ATP8B1: variants seen among roughly 807,000 people sequenced by gnomAD.
ATP8B1 encodes ATPase phospholipid transporting 8B1, also known as phospholipid-transporting ATPase IC.
In ATP8B1, 80 loss-of-function variants were observed where a neutral mutation model predicts 149.9. The observed-to-expected ratio is 0.53, with a 90% CI of 0.45 to 0.64. The LOEUF is 0.64. Ranked by LOEUF, ATP8B1 falls within the 30% of genes least tolerant of loss-of-function variation. The pLI, the probability that ATP8B1 is intolerant of heterozygous loss-of-function variation, is 0.00. For synonymous variants in ATP8B1, 536 were observed against 562.8 expected, an observed-to-expected ratio of 0.95 and a Z score of 0.67; for missense variants, 1,247 against 1,552.6, an observed-to-expected ratio of 0.80 and a Z score of 3.31.
intron 1 of ATP8B1, among the ~76,000 whole-genome samples, chr18:57,787,450 G>A (rs983329359): frequency 7.4e-6 from 1 of 135,472 alleles, no homozygotes; most frequent in African/African-American, 2.5e-5. Context: ...GCTCCATCTA[G>A]AACACTGCGG....
At chr18:57,716,351 C>A (rs1261338289) in intron 2 of ATP8B1, among the ~76,000 whole-genome samples, 1 of 151,110 alleles carries the variant, frequency 6.6e-6, no homozygotes, top group Non-Finnish European at 1.5e-5. Flanking sequence ...CCTTACTTAT[C>A]AATATAACAT....
intron 1 of ATP8B1, among the ~76,000 whole-genome samples, chr18:57,769,093 A>AG (rs2080243984): frequency 6.6e-6 from 1 of 152,194 alleles, no homozygotes; most frequent in South Asian, 2.1e-4. Flanking sequence ...GTACTCAGAC[A>AG]GGACAGCTTC....
At chr18:57,689,783 C>T (rs1329309295) in intron 12 of ATP8B1, among the ~76,000 whole-genome samples, 3 of 152,222 alleles carry the variant, frequency 2.0e-5, no homozygotes, top group East Asian at 3.9e-4. Context: ...TTTGGGAGGC[C>T]GAGGTGGGCG....
intron 2 of ATP8B1, among the ~76,000 whole-genome samples, chr18:57,728,658 C>A (rs571697054): frequency 6.6e-6 from 1 of 151,546 alleles, no homozygotes; most frequent in Non-Finnish European, 1.5e-5. Flanking sequence ...AAGCGAGAAC[C>A]ACCCAAATCC....
At position 57,703,010 on chromosome 18, in the gene ATP8B1, T is replaced by C. The variant is rs538733300; in HGVS notation, c.393+1545A>G. Among the ~76,000 whole-genome samples, 3 of 152,296 alleles carry C rather than the reference T, an allele frequency of 2.0e-5. No individual in the cohort carries two copies. In the East Asian group the frequency reaches 5.8e-4, roughly 29 times the overall value. On this transcript the variant is annotated intron_variant, in intron 4 of 27. Coordinates refer to ENST00000648908, the MANE Select transcript of ATP8B1 (RefSeq NM_001374385.1). ...GGTCTACTTCCTACAGAGCAGCACCTTGGAGTTTGCAGTGCTAACCTCTAC... is the reference window on the plus strand; with the variant it reads ...GGTCTACTTCCTACAGAGCAGCACCCTGGAGTTTGCAGTGCTAACCTCTAC...
At chr18:57,739,596 CAG>C (rs1049131880) in intron 1 of ATP8B1, among the ~76,000 whole-genome samples, 129 of 152,258 alleles carry the variant, frequency 8.5e-4, no homozygotes, top group African/African-American at 3.0e-3. Flanking sequence ...TTCAAGGGCT[CAG>C]AGAGTTGTCT....
At position 57,802,814 on chromosome 18, in the gene ATP8B1, G is replaced by A. The variant is rs1239621299; in HGVS notation, c.-26+184C>T. ...TCTCGCCGTCCCCGAGGCCTCGGGGGCTCCCAGCACCTCCACCCAAATCCC... is the reference window on the plus strand; with the variant it reads ...TCTCGCCGTCCCCGAGGCCTCGGGGACTCCCAGCACCTCCACCCAAATCCC... On this transcript the variant is annotated intron_variant, in intron 1 of 27. Transcript: ENST00000648908. This position sits in a 1 kb window ranked among gnomAD's most constrained non-coding sequence, Gnocchi z 4.9. Among the ~76,000 whole-genome samples, 3 of 152,200 alleles carry A rather than the reference G, an allele frequency of 2.0e-5. No individual in the cohort carries two copies. Among genetic ancestry groups the A allele is most frequent in the Non-Finnish European group, 4.4e-5 (3 of 68,034 alleles).
intron 22 of ATP8B1, among the ~76,000 whole-genome samples, chr18:57,660,514 TTTTTG>T (rs907440986): frequency 6.6e-6 from 1 of 152,106 alleles, no homozygotes; most frequent in Non-Finnish European, 1.5e-5. Context: ...ATATCAGGGT[TTTTTG>T]TTTTGTTTTG....
At chr18:57,767,605 T>C (rs899535016) in intron 1 of ATP8B1, among the ~76,000 whole-genome samples, 1 of 152,086 alleles carries the variant, frequency 6.6e-6, no homozygotes, top group Non-Finnish European at 1.5e-5. Context: ...CTCGCTAACA[T>C]GGTGAAACCT....
intron 15 of ATP8B1, among the ~76,000 whole-genome samples, chr18:57,677,102 A>G (rs1230713472): frequency 6.6e-6 from 1 of 152,248 alleles, no homozygotes; most frequent in African/African-American, 2.4e-5. Context: ...TTCCACTGAA[A>G]TAAGCCAAAA....
chr18:57,713,287 TC>T (rs1555694299), intron 2 of ATP8B1, among the ~76,000 whole-genome samples: 1 of 97,672 alleles, frequency 1.0e-5, no homozygotes, highest in South Asian at 3.0e-4. Context: ...CTTTTTTCTT[TC>T]TCTCTCTCTC....
intron 1 of ATP8B1, among the ~76,000 whole-genome samples, chr18:57,741,867 T>G (rs1203431177): frequency 1.3e-5 from 2 of 152,122 alleles, no homozygotes; most frequent in Non-Finnish European, 2.9e-5. Context: ...GTCTGCCCAG[T>G]ATTCTTTTAT....
At chr18:57,780,729 G>A (rs757788832) in intron 1 of ATP8B1, among the ~76,000 whole-genome samples, 1 of 152,186 alleles carries the variant, frequency 6.6e-6, no homozygotes, top group East Asian at 1.9e-4. Flanking sequence ...AGGTAATATT[G>A]TACACGATAT....
intron 22 of ATP8B1, among the ~76,000 whole-genome samples, chr18:57,660,364 G>A (rs568497265): frequency 1.2e-4 from 19 of 152,178 alleles, no homozygotes; most frequent in Non-Finnish European, 2.8e-4. Flanking sequence ...CACACCAGGT[G>A]ACCCAATGAT....
chr18:57,786,083 C>G (rs1437054374), intron 1 of ATP8B1, among the ~76,000 whole-genome samples: 2 of 152,162 alleles, frequency 1.3e-5, no homozygotes, highest in African/African-American at 4.8e-5. Context: ...TCTGACTTTA[C>G]TATTTAATGT....
At position 57,731,811 on chromosome 18, in the gene ATP8B1, G is replaced by A. The variant is rs758151784; in HGVS notation, c.-4C>T. 2 of 1,613,954 alleles carry A rather than the reference G, an allele frequency of 1.2e-6. No homozygotes were observed. Among genetic ancestry groups the A allele is most frequent in the Non-Finnish European group, 1.7e-6 (2 of 1,179,966 alleles). Reference sequence around the variant, plus strand: ...CTGAGTCTCTTTCTGTACTCATTCTGCTGGCAAATTGGAACTACCTGCTTA... The same window carrying A: ...CTGAGTCTCTTTCTGTACTCATTCTACTGGCAAATTGGAACTACCTGCTTA... On this transcript the variant is annotated 5_prime_UTR_variant, in exon 2 of 28. An upstream open reading frame in the 5' UTR gains an earlier in-frame stop. Coordinates refer to ENST00000648908, the MANE Select transcript of ATP8B1 (RefSeq NM_001374385.1).
At chr18:57,794,463 TAAAAAAAA>T (rs58976028) in intron 1 of ATP8B1, among the ~76,000 whole-genome samples, 1 of 110,442 alleles carries the variant, frequency 9.1e-6, no homozygotes, top group Non-Finnish European at 1.8e-5. Flanking sequence ...AACCTGACAT[TAAAAAAAA>T]AAAAAAAAAA....
intron 24 of ATP8B1, 91 bp from the exon 25 acceptor site, chr18:57,652,820 C>T (rs1234933267): frequency 6.4e-7 from 1 of 1,564,384 alleles, no homozygotes. Flanking sequence ...AAAGTTGCAG[C>T]CTGCTGTTAA....
Position 57,652,737 on chromosome 18 carries a change from A to T in ATP8B1, c.3016-8T>A. 6.2e-6 allele frequency: 10 copies of T among 1,614,140 alleles called. No individual in the cohort carries two copies. Among genetic ancestry groups the T allele is most frequent in the Non-Finnish European group, 8.5e-6 (10 of 1,179,970 alleles). ...CAGTTTGTCACTCACATCCTTAAGG[A>T]GAAAACAAAATGATGGTATTTTATT... On this transcript the variant is annotated splice_region_variant and splice_polypyrimidine_tract_variant and intron_variant, in intron 24 of 27. Transcript: ENST00000648908.
Sources: gnomAD v4.1 joint callset for allele counts (sites outside exome capture counted in the v4.1 genomes callset) on GRCh38, gnomAD v4.1.1 for gene constraint, Gnocchi (gnomAD v3.1) non-coding constraint, MANE v1.5 for transcripts, NCBI Gene and HGNC (gene_info 2026-07-23, HGNC 2026-07-21) for gene names.